Variants in EPB41 observed in about 807,000 individuals in gnomAD.
EPB41 encodes the protein erythrocyte membrane protein band 4.1.
Under a neutral mutation model 108.0 loss-of-function variants are expected in EPB41, and 65 were observed. The observed-to-expected ratio is 0.60, with a 90% CI of 0.49 to 0.74. The LOEUF is 0.74. Ranked by LOEUF, EPB41 falls within the 30% of genes least tolerant of loss-of-function variation. EPB41 has a pLI of 0.00. For missense variants in EPB41, 875 were observed against 1,037.0 expected (o/e 0.84, Z 2.15); for synonymous variants, 336 against 358.9 (o/e 0.94, Z 0.72).
At position 28,947,614 on chromosome 1, in the gene EPB41, G is replaced by A. The variant is rs532360905; in HGVS notation, c.-8+32846G>A. On this transcript the variant is annotated intron_variant, in intron 1 of 20. Coordinates refer to ENST00000343067, the MANE Select transcript of EPB41 (RefSeq NM_001376013.1). ...GGCCGAGGTGGGCGGATCACTTGAGGCCAGCAGTTTGAGATCAGTGTGGCC... is the reference window on the plus strand; with the variant it reads ...GGCCGAGGTGGGCGGATCACTTGAGACCAGCAGTTTGAGATCAGTGTGGCC... Among the ~76,000 whole-genome samples, 10 of 151,582 alleles carry A rather than the reference G, an allele frequency of 6.6e-5. 1 individual carries two copies. In the South Asian group the frequency reaches 2.1e-3, roughly 32 times the overall value.
chr1:28,929,753 C>T (rs1486983297), intron 1 of EPB41, among the ~76,000 whole-genome samples: 2 of 150,440 alleles, frequency 1.3e-5, no homozygotes, highest in Non-Finnish European at 3.0e-5. Flanking sequence ...CGGCTAGTCT[C>T]GAACTCCTGA....
chr1:28,923,114 T>C (rs947069617), intron 1 of EPB41, among the ~76,000 whole-genome samples: 2 of 140,194 alleles, frequency 1.4e-5, no homozygotes, highest in East Asian at 2.1e-4. Context: ...TTCTTTTCTT[T>C]TTTTTTTTTT....
chr1:28,972,683 T>G (rs2095522067), intron 1 of EPB41, among the ~76,000 whole-genome samples: 1 of 151,822 alleles, frequency 6.6e-6, no homozygotes. Flanking sequence ...CACCGCAGCC[T>G]CCAACTCCTG....
At chr1:29,097,980 A>AT (rs1663805639) in intron 17 of EPB41, 45 bp downstream of exon 17, 3 of 1,613,516 alleles carry the variant, frequency 1.9e-6, no homozygotes, top group Non-Finnish European at 2.5e-6. Context: ...TGCAAACAAA[A>AT]TTAATAACCT....
intron 16 of EPB41, among the ~76,000 whole-genome samples, chr1:29,085,939 A>G (rs973862086): frequency 6.6e-6 from 1 of 152,196 alleles, no homozygotes; most frequent in African/African-American, 2.4e-5. Flanking sequence ...ATTACATACC[A>G]GTTACTAGCT....
chr1:29,074,576 T>C lies in EPB41; in HGVS notation c.2184+9418T>C, dbSNP rs370947416. Among the ~76,000 whole-genome samples the C allele has an allele frequency of 3.0e-4, 46 of 152,304 alleles. 1 individual carries two copies. In the South Asian group the frequency reaches 6.8e-3, roughly 23 times the overall value. On this transcript the variant is annotated intron_variant, in intron 16 of 20. Transcript: ENST00000343067. The stretch of plus-strand genomic sequence containing the variant: ...AAAAAGAAACACATTGGTGCAGATC[T>C]ATGAAAGCATACCTGAAATGGTTAA...
chr1:29,095,607 C>T (rs1445396582), intron 16 of EPB41, among the ~76,000 whole-genome samples: 1 of 151,904 alleles, frequency 6.6e-6, no homozygotes, highest in Non-Finnish European at 1.5e-5. Context: ...CCTGTTTCTC[C>T]AAAACATGTA....
intron 11 of EPB41, among the ~76,000 whole-genome samples, chr1:29,050,250 G>A (rs1644259806): frequency 1.3e-5 from 2 of 152,214 alleles, no homozygotes; most frequent in Non-Finnish European, 1.5e-5. Flanking sequence ...TGTGAACTCT[G>A]TTTCTGTCAG....
At chr1:28,907,790 T>C (rs905640655) in intron 1 of EPB41, among the ~76,000 whole-genome samples, 9 of 151,918 alleles carry the variant, frequency 5.9e-5, no homozygotes, top group African/African-American at 1.7e-4. Flanking sequence ...TGTTTTTTTT[T>C]CCTAGACTCC....
intron 1 of EPB41, among the ~76,000 whole-genome samples, chr1:28,917,654 C>T (rs924723194): frequency 2.6e-5 from 4 of 151,962 alleles, no homozygotes; most frequent in African/African-American, 9.7e-5. Context: ...GATCCTGGCT[C>T]ACTGCCGCCT....
At chr1:29,106,157 A>G (rs1667081868) in intron 17 of EPB41, among the ~76,000 whole-genome samples, 2 of 152,216 alleles carry the variant, frequency 1.3e-5, no homozygotes, top group Non-Finnish European at 2.9e-5. Context: ...TAAGAGGATC[A>G]AGGAAAACAG....
rs1334620973 is a variant in EPB41, at chr1:28,914,757, C to A, written c.-19C>A. On this transcript the variant is annotated 5_prime_UTR_variant, in exon 1 of 21. Coordinates refer to ENST00000343067, the MANE Select transcript of EPB41 (RefSeq NM_001376013.1). ...CAGTGGCGGGCGCAGGAGCCCGGCC[C>A]CGGAGCCACCGGTGAGGCGAGGCGG... 4 of 153,010 alleles carry A rather than the reference C, an allele frequency of 2.6e-5. No individual in the cohort carries two copies. The highest frequency in any genetic ancestry group is 1.3e-4 in the Admixed American group (2 of 15,200). 9.5% of individuals were successfully genotyped at this position (153,010 alleles called of 1,614,324 possible).
At chr1:28,992,879 G>T (rs1220302988) in intron 2 of EPB41, among the ~76,000 whole-genome samples, 1 of 152,130 alleles carries the variant, frequency 6.6e-6, no homozygotes. Context: ...ATGTGAAATT[G>T]GTCCCAAGCA....
chr1:29,042,928 A>G (rs1015470164), intron 11 of EPB41, among the ~76,000 whole-genome samples: 10 of 152,188 alleles, frequency 6.6e-5, no homozygotes, highest in African/African-American at 2.4e-4. Flanking sequence ...CATCTGGTAA[A>G]TGGAAGTGCT....
chr1:28,944,673 A>C (rs1168376687), intron 1 of EPB41, among the ~76,000 whole-genome samples: 1 of 150,692 alleles, frequency 6.6e-6, no homozygotes, highest in Non-Finnish European at 1.5e-5. Flanking sequence ...AGTAGCTGGG[A>C]TTACAGGCAT....
At chr1:29,007,464 GTT>G (rs1049531742) in intron 4 of EPB41, among the ~76,000 whole-genome samples, 1 of 152,184 alleles carries the variant, frequency 6.6e-6, no homozygotes, top group African/African-American at 2.4e-5. Context: ...CTATCAAACA[GTT>G]TTCTGTAGTG....
chr1:28,974,692 T>C (rs548813026), intron 1 of EPB41, among the ~76,000 whole-genome samples: 3 of 152,304 alleles, frequency 2.0e-5, no homozygotes, highest in South Asian at 2.1e-4. Context: ...GAGCCACTTA[T>C]GGGAACAGGA....
intron 1 of EPB41, among the ~76,000 whole-genome samples, chr1:28,892,683 G>C (rs776540997): frequency 2.2e-4 from 34 of 151,762 alleles, no homozygotes; most frequent in Non-Finnish European, 4.6e-4. Context: ...TGGGCAACAA[G>C]AGGGAAACTC....
chr1:28,946,990 A>G (rs2094508181), intron 1 of EPB41, among the ~76,000 whole-genome samples: 1 of 152,276 alleles, frequency 6.6e-6, no homozygotes, highest in African/African-American at 2.4e-5. Flanking sequence ...CTAAATATGC[A>G]GAGCATGGTG....
Sources: allele counts gnomAD v4.1 joint callset (sites outside exome capture counted in the v4.1 genomes callset), GRCh38; gene constraint gnomAD v4.1.1; transcripts MANE v1.5; gene names NCBI Gene and HGNC (gene_info 2026-07-23, HGNC 2026-07-21).